The following PHF14 variants were observed in gnomAD, a reference collection of about 807,000 sequenced individuals.
PHF14 encodes the protein PHD finger protein 14.
In PHF14, 55 loss-of-function variants were observed where a neutral mutation model predicts 117.9. The ratio of observed to expected loss-of-function variants is 0.47; its 90% confidence interval spans 0.38 to 0.58. The LOEUF is 0.58. Among genes scored for constraint, PHF14 ranks in the 20% least tolerant of loss-of-function variants. PHF14 has a pLI of 0.00. For missense variants in PHF14, 978 were observed against 1,122.2 expected (o/e 0.87, Z 1.84); for synonymous variants, 409 against 368.6 (o/e 1.11, Z -1.26).
At chr7:10,996,097 G>A (rs1782637341) in intron 4 of PHF14, among the ~76,000 whole-genome samples, 1 of 152,244 alleles carries the variant, frequency 6.6e-6, no homozygotes, top group Non-Finnish European at 1.5e-5. Flanking sequence ...TCATTATGAT[G>A]GATGTGGGAA....
intron 2 of PHF14, 64 bp from the exon 3 acceptor site, chr7:10,982,308 T>G: frequency 2.0e-6 from 2 of 977,636 alleles, no homozygotes; most frequent in South Asian, 2.1e-5. Flanking sequence ...TGTGTCAGCG[T>G]TGTGTGTGTG....
chr7:11,137,339 T>G (rs1788250264), intron 17 of PHF14, among the ~76,000 whole-genome samples: 1 of 152,182 alleles, frequency 6.6e-6, no homozygotes, highest in African/African-American at 2.4e-5. Flanking sequence ...TGCTTGATCT[T>G]AAGTGCTTTT....
At chr7:11,149,906 G>A (rs538351773) in intron 17 of PHF14, among the ~76,000 whole-genome samples, 1 of 151,212 alleles carries the variant, frequency 6.6e-6, no homozygotes, top group East Asian at 1.9e-4. Context: ...TGCTTGTGTT[G>A]GCTAACATCT....
intron 17 of PHF14, among the ~76,000 whole-genome samples, chr7:11,165,458 A>G (rs112904471): frequency 2.6e-5 from 4 of 152,308 alleles, no homozygotes; most frequent in African/African-American, 7.2e-5. Flanking sequence ...ACTTACATCA[A>G]CATCTATAAA....
intron 17 of PHF14, among the ~76,000 whole-genome samples, chr7:11,111,856 T>A (rs1787457982): frequency 6.6e-6 from 1 of 151,674 alleles, no homozygotes; most frequent in Non-Finnish European, 1.5e-5. Context: ...ATTTTATAGA[T>A]GTTTTATTTT....
Position 11,130,724 on chromosome 7 carries a change from C to A in PHF14, c.2772+19257C>A, listed in dbSNP as rs1788070591. Reference sequence around the variant, plus strand: ...ATTATAACTTATTTTTTGTGTGGTACATTCTGTGGGTTTTGACAGTTGTAA... The same window carrying A: ...ATTATAACTTATTTTTTGTGTGGTAAATTCTGTGGGTTTTGACAGTTGTAA... On this transcript the variant is annotated intron_variant, in intron 17 of 17. Coordinates refer to ENST00000634607, the MANE Select transcript of PHF14 (RefSeq NM_001007157.2). This position sits in a 1 kb window ranked among gnomAD's most constrained non-coding sequence, Gnocchi z 4.2. 6.6e-6 allele frequency among the ~76,000 whole-genome samples: 1 copy of A among 151,830 alleles called. No individual in the cohort carries two copies. Among genetic ancestry groups the A allele is most frequent in the Admixed American group, 6.6e-5 (1 of 15,182 alleles).
intron 3 of PHF14, among the ~76,000 whole-genome samples, chr7:10,984,397 C>A (rs373551248): frequency 1.6e-4 from 24 of 152,118 alleles, no homozygotes; most frequent in Admixed American, 1.4e-3. Context: ...CTAATTCTTA[C>A]CTTTAAAGGA....
At chr7:11,089,662 G>A (rs1026544370) in intron 16 of PHF14, among the ~76,000 whole-genome samples, 17 of 151,904 alleles carry the variant, frequency 1.1e-4, no homozygotes, top group Non-Finnish European at 2.1e-4. Context: ...ATTATGAGTA[G>A]AAGAGGAGAA....
intron 17 of PHF14, among the ~76,000 whole-genome samples, chr7:11,148,452 G>A (rs1445272123): frequency 1.3e-5 from 2 of 152,118 alleles, no homozygotes; most frequent in African/African-American, 4.8e-5. Flanking sequence ...TTTCCTTCAA[G>A]TCATTCAGGT....
intron 17 of PHF14, 121 bp from the exon 18 acceptor site, chr7:11,169,295 G>C (rs759841249): frequency 2.2e-4 from 108 of 494,292 alleles, no homozygotes; most frequent in Admixed American, 4.6e-4. Flanking sequence ...TACCATTTGT[G>C]TTTAGGATTA....
intron 5 of PHF14, among the ~76,000 whole-genome samples, chr7:11,020,848 G>A (rs1262323823): frequency 1.3e-5 from 2 of 151,890 alleles, no homozygotes; most frequent in Non-Finnish European, 2.9e-5. Flanking sequence ...TTTCCTTGTA[G>A]TTAACATTTC....
In PHF14 at chr7:11,135,719, G is replaced by C. The variant is rs113149071; in HGVS notation, c.2772+24252G>C. The stretch of plus-strand genomic sequence containing the variant: ...CGTGGTTATATTTCCACAGCCTGCT[G>C]TAAGAGATAAACCTATTGCAAATGA... On this transcript the variant is annotated intron_variant, in intron 17 of 17. Coordinates refer to ENST00000634607, the MANE Select transcript of PHF14 (RefSeq NM_001007157.2). Among the ~76,000 whole-genome samples the C allele has an allele frequency of 9.9e-5, 15 of 152,198 alleles. 1 individual carries two copies. Among genetic ancestry groups the C allele is most frequent in the African/African-American group, 3.4e-4 (14 of 41,556 alleles).
At chr7:10,991,358 A>G (rs1242704450) in intron 4 of PHF14, among the ~76,000 whole-genome samples, 1 of 151,646 alleles carries the variant, frequency 6.6e-6, no homozygotes, top group African/African-American at 2.4e-5. Context: ...TTGTATTTTT[A>G]GTAGAGATGG....
intron 16 of PHF14, chr7:11,105,701 C>CT (rs1787235712): frequency 1.0e-6 from 1 of 984,332 alleles, no homozygotes; most frequent in African/African-American, 1.8e-5. Context: ...AAATATTTCT[C>CT]TATAAAAGTG....
At chr7:11,165,194 A>G (rs1443490299) in intron 17 of PHF14, among the ~76,000 whole-genome samples, 1 of 152,188 alleles carries the variant, frequency 6.6e-6, no homozygotes, top group Non-Finnish European at 1.5e-5. Context: ...AAGTGCTGGG[A>G]TTACAGGCGT....
At chr7:11,104,409 A>G (rs1787188833) in intron 16 of PHF14, 1 of 951,672 alleles carries the variant, frequency 1.1e-6, no homozygotes, top group Non-Finnish European at 1.3e-6. Flanking sequence ...AAATGCTCTC[A>G]TATCCACAGT....
intron 16 of PHF14, among the ~76,000 whole-genome samples, chr7:11,077,905 G>A (rs895883697): frequency 7.9e-5 from 12 of 152,126 alleles, no homozygotes; most frequent in African/African-American, 2.4e-4. Context: ...CAGTTGAGAA[G>A]TTTTGCACCA....
chr7:11,051,547 A>C, intron 13 of PHF14, 65 bp from the exon 14 acceptor site: 2 of 1,329,924 alleles, frequency 1.5e-6, no homozygotes, highest in Non-Finnish European at 2.0e-6. Context: ...TGTATTTATA[A>C]AAACTATAGC....
At chr7:11,114,588 G>A (rs1198035749) in intron 17 of PHF14, among the ~76,000 whole-genome samples, 1 of 152,052 alleles carries the variant, frequency 6.6e-6, no homozygotes, top group Non-Finnish European at 1.5e-5. Flanking sequence ...GTAGAAGAAT[G>A]ACCATTTATT....
Sources: gnomAD v4.1 joint callset for allele counts (sites outside exome capture counted in the v4.1 genomes callset) on GRCh38, gnomAD v4.1.1 for gene constraint, Gnocchi (gnomAD v3.1) non-coding constraint, MANE v1.5 for transcripts, NCBI Gene and HGNC (gene_info 2026-07-23, HGNC 2026-07-21) for gene names.